SEMA5A: variants seen among roughly 807,000 people sequenced by gnomAD.
SEMA5A encodes semaphorin-5A.
Under a neutral mutation model 135.5 loss-of-function variants are expected in SEMA5A, and 55 were observed. The ratio of observed to expected loss-of-function variants is 0.41; its 90% CI spans 0.33 to 0.51. The LOEUF (loss-of-function observed/expected upper bound fraction) is 0.51. SEMA5A is among the 20% of genes least tolerant of loss of function. The pLI, the probability that SEMA5A is intolerant of heterozygous loss-of-function variation, is 0.37. For missense variants in SEMA5A, 1,290 were observed against 1,419.9 expected (o/e 0.91, Z 1.47); for synonymous variants, 580 against 546.5 (o/e 1.06, Z -0.85).
chr5:9,198,359 G>A (rs1745528501), intron 9 of SEMA5A, among the ~76,000 whole-genome samples: 1 of 152,170 alleles, frequency 6.6e-6, no homozygotes. Flanking sequence ...GGCACAACGA[G>A]GACAAGACCC....
intron 1 of SEMA5A, among the ~76,000 whole-genome samples, chr5:9,476,898 A>G (rs548793541): frequency 2.0e-5 from 3 of 152,042 alleles, no homozygotes; most frequent in African/African-American, 7.2e-5. Flanking sequence ...GCAACATAGC[A>G]AGACCATGTC....
intron 13 of SEMA5A, among the ~76,000 whole-genome samples, chr5:9,135,427 T>C (rs6882238): frequency 0.95 from 144,051 of 151,842 alleles, 68,719 homozygotes; most frequent in East Asian, 1. Context: ...GTGATCCACC[T>C]GCCTCGGCCT....
chr5:9,495,448 T>G (rs1735253278), intron 1 of SEMA5A, among the ~76,000 whole-genome samples: 1 of 152,208 alleles, frequency 6.6e-6, no homozygotes, highest in South Asian at 2.1e-4. Flanking sequence ...CTTGGTTCTC[T>G]GTTTGCACAA....
At chr5:9,055,109 C>T (rs1338811877) in intron 18 of SEMA5A, among the ~76,000 whole-genome samples, 2 of 152,148 alleles carry the variant, frequency 1.3e-5, no homozygotes, top group Non-Finnish European at 2.9e-5. Flanking sequence ...GGTGGCCCAC[C>T]TGAATCTGGG....
chr5:9,448,168 C>T (rs1579557187), intron 1 of SEMA5A, among the ~76,000 whole-genome samples: 1 of 152,218 alleles, frequency 6.6e-6, no homozygotes, highest in African/African-American at 2.4e-5. Flanking sequence ...ACTTTTGACA[C>T]TCTCCCCAAC....
chr5:9,136,700 C>A, intron 12 of SEMA5A, 79 bp from the exon 13 acceptor site: 1 of 1,149,346 alleles, frequency 8.7e-7, no homozygotes, highest in Non-Finnish European at 1.3e-6. Flanking sequence ...GAACCTGTCC[C>A]TTGGCAGAGA....
chr5:9,455,213 T>G (rs556358502), intron 1 of SEMA5A, among the ~76,000 whole-genome samples: 11 of 152,248 alleles, frequency 7.2e-5, no homozygotes, highest in Non-Finnish European at 1.5e-4. Context: ...CCTGCTCAGA[T>G]AGCATATTGC....
At chr5:9,157,815 G>A (rs1207458476) in intron 11 of SEMA5A, among the ~76,000 whole-genome samples, 1 of 152,222 alleles carries the variant, frequency 6.6e-6, no homozygotes, top group Non-Finnish European at 1.5e-5. Flanking sequence ...GAAAGACAGA[G>A]ATGGCCCTAT....
intron 1 of SEMA5A, among the ~76,000 whole-genome samples, chr5:9,475,108 T>C (rs1206277215): frequency 6.6e-6 from 1 of 152,152 alleles, no homozygotes; most frequent in East Asian, 1.9e-4. Context: ...ACTTTCGTAT[T>C]TTTAGGAGAG....
chr5:9,215,087 A>G (rs148506583), intron 8 of SEMA5A, among the ~76,000 whole-genome samples: 46 of 152,316 alleles, frequency 3.0e-4, no homozygotes, highest in African/African-American at 9.1e-4. Context: ...CATGTAAAAC[A>G]GCCCTCTGCC....
chr5:9,119,904 A>G (rs2150179693), intron 14 of SEMA5A, among the ~76,000 whole-genome samples: 1 of 151,608 alleles, frequency 6.6e-6, no homozygotes, highest in African/African-American at 2.4e-5. Context: ...ATGTAGATAT[A>G]TAAAAATATA....
intron 12 of SEMA5A, among the ~76,000 whole-genome samples, chr5:9,140,506 T>C (rs1742006507): frequency 1.3e-5 from 2 of 152,310 alleles, no homozygotes; most frequent in African/African-American, 4.8e-5. Context: ...GTGCAACTCA[T>C]GAGACAGACC....
chr5:9,449,171 T>C (rs1160007512), intron 1 of SEMA5A, among the ~76,000 whole-genome samples: 2 of 152,068 alleles, frequency 1.3e-5, no homozygotes, highest in Non-Finnish European at 2.9e-5. Flanking sequence ...TAAACATAAA[T>C]GCCCATCAGT....
At chr5:9,122,954 G>A in intron 13 of SEMA5A, 117 bp from the exon 14 acceptor site, 2 of 987,526 alleles carry the variant, frequency 2.0e-6, no homozygotes, top group Non-Finnish European at 1.4e-6. Flanking sequence ...TGTTGTTGTT[G>A]TTGCTGCAGT....
intron 13 of SEMA5A, among the ~76,000 whole-genome samples, chr5:9,132,524 C>A (rs1055551274): frequency 3.3e-5 from 5 of 152,220 alleles, no homozygotes; most frequent in Non-Finnish European, 7.3e-5. Flanking sequence ...TGATCTTAGA[C>A]TTACCAGCCT....
At chr5:9,253,658 CAT>C (rs1363338458) in intron 5 of SEMA5A, among the ~76,000 whole-genome samples, 1 of 152,074 alleles carries the variant, frequency 6.6e-6, no homozygotes, top group Non-Finnish European at 1.5e-5. Flanking sequence ...ATTTAACAAA[CAT>C]ATAGTGTTTC....
intron 13 of SEMA5A, among the ~76,000 whole-genome samples, chr5:9,125,747 G>C (rs1741073767): frequency 6.6e-6 from 1 of 152,126 alleles, no homozygotes; most frequent in Non-Finnish European, 1.5e-5. Flanking sequence ...AGACCGTAGA[G>C]CTTTCTTGGA....
chr5:9,407,100 C>T (rs1442811790), intron 2 of SEMA5A, among the ~76,000 whole-genome samples: 2 of 152,174 alleles, frequency 1.3e-5, no homozygotes, highest in Non-Finnish European at 2.9e-5. Context: ...GCACAAGAAA[C>T]AGTCTTGACA....
At chr5:9,274,944 A>G (rs1029186961) in intron 5 of SEMA5A, among the ~76,000 whole-genome samples, 3 of 152,150 alleles carry the variant, frequency 2.0e-5, no homozygotes, top group Non-Finnish European at 4.4e-5. Context: ...GAGCAAACAC[A>G]TTCAAAAGCC....
Sources: allele counts gnomAD v4.1 joint callset (sites outside exome capture counted in the v4.1 genomes callset), GRCh38; gene constraint gnomAD v4.1.1; transcripts MANE v1.5; gene names NCBI Gene and HGNC (gene_info 2026-07-23, HGNC 2026-07-21).